PLCG2: variants seen among roughly 807,000 people sequenced by gnomAD.
PLCG2 encodes the protein phospholipase C gamma 2.
PLCG2 carries 69 observed loss-of-function variants against 175.6 expected under a neutral mutation model. The observed-to-expected ratio is 0.39, with a 90% confidence interval of 0.32 to 0.48. PLCG2 has a LOEUF of 0.48. Among genes scored for constraint, PLCG2 ranks in the 20% least tolerant of loss-of-function variants. The pLI, the probability that PLCG2 is intolerant of heterozygous loss-of-function variation, is 0.91. For synonymous variants in PLCG2, 827 were observed against 624.0 expected (o/e 1.33, Z -4.85); for missense variants, 1,798 against 1,650.9 (o/e 1.09, Z -1.54).
At chr16:81,776,678 G>A (rs999951123), upstream of PLCG2, among the ~76,000 whole-genome samples, 4 of 152,156 alleles carry the variant, frequency 2.6e-5, no homozygotes, top group Middle Eastern at 3.2e-3. Context: ...CCTCAGACTC[G>A]TGAGTAGCTG....
chr16:81,868,475 G>A (rs890017525), intron 5 of PLCG2, among the ~76,000 whole-genome samples: 4 of 152,118 alleles, frequency 2.6e-5, no homozygotes, highest in African/African-American at 9.7e-5. Flanking sequence ...GGTCTTTCCT[G>A]GCTGATTCTG....
chr16:81,867,750 T>G lies in PLCG2; in HGVS notation c.480-1464T>G, dbSNP rs4334287. On this transcript the variant is annotated intron_variant, in intron 5 of 32. Coordinates refer to ENST00000564138, the MANE Select transcript of PLCG2 (RefSeq NM_002661.5). The stretch of plus-strand genomic sequence containing the variant: ...TCTTGCTCTGTCACCCAGGCTGGAG[T>G]GCAGTGGCGTGATCTCGGCTCACTG... Among the ~76,000 whole-genome samples, 664 of 152,084 alleles carry G rather than the reference T, an allele frequency of 4.4e-3. 4 individuals are homozygous for G. The highest frequency in any genetic ancestry group is 0.016 in the African/African-American group (647 of 41,514).
At chr16:81,780,743 T>C (rs1223397896) in intron 1 of PLCG2, among the ~76,000 whole-genome samples, 1 of 152,156 alleles carries the variant, frequency 6.6e-6, no homozygotes, top group Non-Finnish European at 1.5e-5. Context: ...AAAACATTTC[T>C]TGGTCAGGCA....
intron 27 of PLCG2, among the ~76,000 whole-genome samples, chr16:81,937,124 G>A (rs921329799): frequency 2.0e-5 from 3 of 152,234 alleles, no homozygotes; most frequent in East Asian, 1.9e-4. Context: ...CACTGAAGAC[G>A]TGCCTGAGCT....
At chr16:81,896,019 C>T (rs1289790339) in intron 13 of PLCG2, 92 bp downstream of exon 13, 5 of 1,469,468 alleles carry the variant, frequency 3.4e-6, no homozygotes, top group Non-Finnish European at 4.7e-6. Context: ...CACACACAGA[C>T]ACCTCCCTCC....
chr16:81,776,494 G>T (rs913781002), upstream of PLCG2, among the ~76,000 whole-genome samples: 2 of 152,112 alleles, frequency 1.3e-5, no homozygotes, highest in Non-Finnish European at 2.9e-5. Flanking sequence ...TTATCCTTGG[G>T]AAAAGAAGTG....
intron 2 of PLCG2, among the ~76,000 whole-genome samples, chr16:81,786,490 T>G (rs1044221242): frequency 6.6e-6 from 1 of 152,212 alleles, no homozygotes. Context: ...AGGGATCGTC[T>G]GGTTCCCACA....
chr16:81,905,600 T>G (rs1447237032), intron 15 of PLCG2, 93 bp downstream of exon 15: 2 of 745,184 alleles, frequency 2.7e-6, no homozygotes, highest in Non-Finnish European at 4.7e-6. Context: ...TACGCCTGTC[T>G]TGTTCCCATT....
intron 2 of PLCG2, among the ~76,000 whole-genome samples, chr16:81,845,130 G>T (rs1490845343): frequency 6.6e-6 from 1 of 151,944 alleles, no homozygotes; most frequent in Non-Finnish European, 1.5e-5. Context: ...TTTAGAGATG[G>T]GGTATTGCTT....
At chr16:81,746,234 T>G (rs1909701776) in intron 1 of PLCG2, among the ~76,000 whole-genome samples, 1 of 152,206 alleles carries the variant, frequency 6.6e-6, no homozygotes, top group South Asian at 2.1e-4. Flanking sequence ...TCCCCGGTGC[T>G]TCCCGGTTTA....
chr16:81,937,526 ATCTTT>A (rs751078342), intron 27 of PLCG2: 16 of 419,540 alleles, frequency 3.8e-5, no homozygotes, highest in South Asian at 3.5e-4. Context: ...GCAAGTTTGA[ATCTTT>A]TCTTTTATGA....
intron 14 of PLCG2, 80 bp downstream of exon 14, chr16:81,900,860 G>T: frequency 7.5e-7 from 1 of 1,326,838 alleles, no homozygotes. Flanking sequence ...CGTTCACCAA[G>T]TTCTATGTCC....
At chr16:81,846,906 A>G (rs192689260) in intron 2 of PLCG2, among the ~76,000 whole-genome samples, 443 of 152,176 alleles carry the variant, frequency 2.9e-3, no homozygotes, top group Middle Eastern at 0.014. Context: ...TTTTCCCCCC[A>G]CGCATCAAGC....
intron 7 of PLCG2, among the ~76,000 whole-genome samples, chr16:81,872,511 A>G (rs1009121033): frequency 2.6e-5 from 4 of 152,214 alleles, no homozygotes; most frequent in Non-Finnish European, 4.4e-5. Context: ...TTTCTGTGAT[A>G]TGTTCCAAGT....
intron 18 of PLCG2, among the ~76,000 whole-genome samples, chr16:81,911,705 G>A (rs571637942): frequency 1.3e-4 from 19 of 151,716 alleles, no homozygotes; most frequent in Non-Finnish European, 2.5e-4. Context: ...CTGCCTCCCA[G>A]GTTCAAGAGA....
intron 25 of PLCG2, among the ~76,000 whole-genome samples, chr16:81,933,656 T>G (rs1323602891): frequency 6.6e-6 from 1 of 152,060 alleles, no homozygotes; most frequent in Non-Finnish European, 1.5e-5. Flanking sequence ...ATTCTCCCTG[T>G]CAGGGTGTGG....
At chr16:81,830,702 T>A (rs1905226776) in intron 2 of PLCG2, among the ~76,000 whole-genome samples, 1 of 151,818 alleles carries the variant, frequency 6.6e-6, no homozygotes, top group African/African-American at 2.4e-5. Context: ...TTTATATATG[T>A]ATATATATGA....
chr16:81,891,850 A>T (rs1186292441), intron 11 of PLCG2, among the ~76,000 whole-genome samples: 1 of 152,186 alleles, frequency 6.6e-6, no homozygotes, highest in Non-Finnish European at 1.5e-5. Flanking sequence ...AGTTTATGTA[A>T]CTTAGTAACT....
rs139398781 is a variant in PLCG2, at chr16:81,859,002, A to G, written c.432-114A>G. ...GCTGCCCTTGTTAGAAAGTTGGAAG[A>G]CTCCTCCTTTTGGTTCCAGTTCCTT... On this transcript the variant is annotated intron_variant, in intron 4 of 32. Transcript: ENST00000564138. 1,321 of 628,820 alleles carry G rather than the reference A, an allele frequency of 2.1e-3. 15 individuals are homozygous for G. In the African/African-American group the frequency reaches 0.022, roughly 11 times the overall value. 39.0% of individuals were successfully genotyped at this position (628,820 alleles called of 1,614,324 possible). A position where few individuals can be genotyped will look rare whatever the true frequency, so the allele number is the denominator to read the frequency against.
Sources: allele counts gnomAD v4.1 joint callset (sites outside exome capture counted in the v4.1 genomes callset), GRCh38; gene constraint gnomAD v4.1.1; transcripts MANE v1.5; gene names NCBI Gene and HGNC (gene_info 2026-07-23, HGNC 2026-07-21).